The following DRC3 variants were observed in gnomAD, a reference collection of about 807,000 sequenced individuals.
The protein encoded by DRC3 is leucine rich repeat containing 48.
DRC3 carries 45 observed loss-of-function variants against 57.6 expected under a neutral mutation model. The ratio of observed to expected loss-of-function variants is 0.78; its 90% CI spans 0.62 to 1.00. The LOEUF (loss-of-function observed/expected upper bound fraction) is 1.00. Among genes scored for constraint, DRC3 ranks in the 50% least tolerant of loss-of-function variants. The pLI is 0.00. For missense variants in DRC3, 655 were observed against 675.2 expected (o/e 0.97, Z 0.33); for synonymous variants, 257 against 272.3 (o/e 0.94, Z 0.55).
intron 3 of DRC3, among the ~76,000 whole-genome samples, chr17:17,980,486 G>A (rs1191806951): frequency 6.6e-6 from 1 of 151,932 alleles, no homozygotes; most frequent in Non-Finnish European, 1.5e-5. Context: ...GTAGAGATGG[G>A]GTTTCACCAT....
At chr17:17,994,069 C>T (rs1261909321) in intron 6 of DRC3, 3 of 492,200 alleles carry the variant, frequency 6.1e-6, no homozygotes, top group Non-Finnish European at 3.6e-6. Context: ...GCCTTCCGCT[C>T]CTCCTGGTCT....
Position 17,992,862 on chromosome 17 carries a change from A to G in DRC3, c.542A>G (p.Tyr181Cys). 1 of 1,613,900 alleles carries G rather than the reference A, an allele frequency of 6.2e-7. No individual in the cohort carries two copies. The highest frequency in any genetic ancestry group is 1.1e-5 in the South Asian group (1 of 91,078). Reference protein sequence around the residue: ...AEDYKMFICAYLPDLMYLDYR... With the variant: ...AEDYKMFICACLPDLMYLDYR... ...GATTACAAGATGTTCATCTGTGCCT[A>G]CCTTCCTGACCTCATGTACCTGGAC... The change falls in exon 6 of 14, where the codon TAC (tyrosine) becomes TGC (cysteine). Residue 181 changes from tyrosine to cysteine, a missense_variant. By Grantham distance (194) the Tyr-to-Cys change is radical. Coordinates refer to ENST00000399187, the MANE Select transcript of DRC3 (RefSeq NM_031294.4).
Position 17,994,109 on chromosome 17 carries a change from C to T in DRC3, c.592-190C>T, listed in dbSNP as rs940332371. On this transcript the variant is annotated intron_variant, in intron 6 of 13. Transcript: ENST00000399187. Reference sequence around the variant, plus strand: ...CTGATTTCCCTGCGCTCACAAAAACCTGGTGAGGGTCATCAGGAGATGGGC... The same window carrying T: ...CTGATTTCCCTGCGCTCACAAAAACTTGGTGAGGGTCATCAGGAGATGGGC... The T allele has an allele frequency of 3.3e-5, 22 of 675,580 alleles. No individual in the cohort carries two copies. In the African/African-American group the frequency reaches 4.1e-4, roughly 12 times the overall value. 41.8% of individuals were successfully genotyped at this position (675,580 alleles called of 1,614,324 possible).
intron 8 of DRC3, among the ~76,000 whole-genome samples, chr17:17,997,123 C>G (rs1228105682): frequency 2.0e-5 from 3 of 152,200 alleles, no homozygotes; most frequent in African/African-American, 7.2e-5. Context: ...CCAGGGTCCC[C>G]AGGCCTCTCT....
intron 12 of DRC3, among the ~76,000 whole-genome samples, chr17:18,012,780 C>G (rs1186393517): frequency 6.6e-6 from 1 of 151,432 alleles, no homozygotes; most frequent in Non-Finnish European, 1.5e-5. Context: ...ATGAATAAGA[C>G]CTCAAAAGCA....
chr17:18,010,490 A>G (rs2044130494), intron 12 of DRC3, among the ~76,000 whole-genome samples: 2 of 152,198 alleles, frequency 1.3e-5, no homozygotes, highest in African/African-American at 4.8e-5. Context: ...TTAGAATCAC[A>G]AAAGACCTTG....
chr17:18,007,515 TATA>T (rs2044024321), intron 12 of DRC3: 1 of 1,547,416 alleles, frequency 6.5e-7, no homozygotes, highest in African/African-American at 1.4e-5. Flanking sequence ...TTAGAGTCTG[TATA>T]ATGAGTACTG....
chr17:17,994,056 G>A (rs927110609), intron 6 of DRC3: 11 of 436,470 alleles, frequency 2.5e-5, no homozygotes, highest in Middle Eastern at 7.2e-4. Flanking sequence ...AGCCTGCCAC[G>A]CTGCCTTCCG....
chr17:17,992,616 C>T (rs1316727372), intron 5 of DRC3, 149 bp from the exon 6 acceptor site: 4 of 778,290 alleles, frequency 5.1e-6, no homozygotes, highest in African/African-American at 3.5e-5. Context: ...GGAACACCCC[C>T]ACGCCTGCAC....
chr17:17,984,161 A>G (rs1490180823), intron 4 of DRC3, among the ~76,000 whole-genome samples: 1 of 152,196 alleles, frequency 6.6e-6, no homozygotes, highest in Non-Finnish European at 1.5e-5. Flanking sequence ...ATGTGCTCAG[A>G]CACAAGACCA....
In DRC3 at chr17:18,010,946, T is replaced by TTTTG. The variant is rs201338433; in HGVS notation, c.1326+3823_1326+3826dup. On this transcript the variant is annotated intron_variant, in intron 12 of 13. Transcript: ENST00000399187. ...GCCTCTCTCAAGGATGAGGTTTTTTTTTTGTTTGTTTGTTTGTTTGTTTGT... is the reference window on the plus strand; with the variant it reads ...GCCTCTCTCAAGGATGAGGTTTTTTTTTTGTTTGTTTGTTTGTTTGTTTGTTTGT... The TTTTG allele has an allele frequency of 3.7e-3, 908 of 243,088 alleles. 6 individuals are homozygous for TTTTG. Among genetic ancestry groups the TTTTG allele is most frequent in the African/African-American group, 0.013 (539 of 42,488 alleles). The allele number at this position is 243,088 out of a possible 1,614,324, so 15.1% of individuals were successfully genotyped here.
At position 18,016,172 on chromosome 17, in the gene DRC3, T is replaced by A. The variant is rs2044356176; in HGVS notation, c.1435T>A (p.Trp479Arg). The A allele has an allele frequency of 6.2e-7, 1 of 1,614,020 alleles. No individual in the cohort carries two copies. The highest frequency in any genetic ancestry group is 8.5e-7 in the Non-Finnish European group (1 of 1,179,884). Residue 479 changes from tryptophan (W) to arginine (R), a missense_variant, in exon 13 of 14, where the codon TGG becomes AGG. Trp to Arg is a moderately radical substitution (Grantham distance 101). Transcript: ENST00000399187. ...TGAGCTGGTGACCAGAATCAACTCTTGGTGTACACGTTTAATAGACAGGGT... is the reference window on the plus strand; with the variant it reads ...TGAGCTGGTGACCAGAATCAACTCTAGGTGTACACGTTTAATAGACAGGGT... Reference protein sequence around the residue: ...EDELVTRINSWCTRLIDRIHK... With the variant: ...EDELVTRINSRCTRLIDRIHK...
At position 18,016,066 on chromosome 17, in the gene DRC3, T is replaced by C. The variant is rs1167942389; in HGVS notation, c.1329T>C (p.Leu443=). ...ATTGGATTCTTTTCACTCACCAGCT[T>C]TTTGTCGATAAAGATACGATTGTTA... is the stretch of plus-strand genomic sequence containing the variant. ...DEDLPNDLRA[L]FVDKDTIVNA... The change falls in exon 13 of 14, where the codon CTT becomes CTC. Residue 443 remains leucine, a splice_region_variant and synonymous_variant. Transcript: ENST00000399187. The C allele has an allele frequency of 6.2e-7, 1 of 1,613,354 alleles. No homozygotes were observed. Among genetic ancestry groups the C allele is most frequent in the African/African-American group, 1.3e-5 (1 of 75,044 alleles).
intron 2 of DRC3, 160 bp from the exon 3 acceptor site, chr17:17,977,422 A>C: frequency 2.5e-6 from 2 of 788,662 alleles, no homozygotes; most frequent in Non-Finnish European, 4.0e-6. Flanking sequence ...GCCTTGGCGT[A>C]AGTATACAAA....
At position 18,007,084 on chromosome 17, in the gene DRC3, C is replaced by T. The variant is rs781576788; in HGVS notation, c.1263C>T (p.Ile421=). 3.6e-6 allele frequency: 5 copies of T among 1,386,462 alleles called. No homozygotes were observed. The highest frequency in any genetic ancestry group is 4.7e-6 in the Non-Finnish European group (5 of 1,054,584). 85.9% of individuals were successfully genotyped at this position (1,386,462 alleles called of 1,614,324 possible). The change falls in exon 12 of 14, where the codon ATC becomes ATT. Residue 421 remains isoleucine (I), a synonymous_variant. Transcript: ENST00000399187. ...ACGAGAAGCTCCTGGAGATCTCTAT[C>T]AGCACCCTGGAGAAGATTGTCGAGG... The part of the protein sequence containing the change: ...HHHEKLLEIS[I]STLEKIVEGD...
intron 5 of DRC3, 124 bp from the exon 6 acceptor site, chr17:17,992,641 C>A: frequency 1.9e-6 from 2 of 1,039,578 alleles, no homozygotes; most frequent in South Asian, 1.6e-5. Flanking sequence ...CCTGTCACCC[C>A]ACCCCAGTGC....
intron 12 of DRC3, among the ~76,000 whole-genome samples, chr17:18,012,778 G>A (rs1263368303): frequency 6.6e-6 from 1 of 151,312 alleles, no homozygotes; most frequent in African/African-American, 2.4e-5. Flanking sequence ...TTATGAATAA[G>A]ACCTCAAAAG....
At chr17:18,016,225 C>T in intron 13 of DRC3, 30 bp downstream of exon 13, 3 of 1,603,568 alleles carry the variant, frequency 1.9e-6, no homozygotes, top group Non-Finnish European at 2.6e-6. Context: ...TCCTAGCAGG[C>T]TGGATGAACT....
At chr17:17,983,702 TGCGTACTCCAGGGCAGGGC>T in intron 3 of DRC3, 107 bp from the exon 4 acceptor site, 1 of 639,748 alleles carries the variant, frequency 1.6e-6, no homozygotes, top group South Asian at 1.8e-5. Context: ...CCAGGGTGCC[TGCGTACTCCAGGGCAGGGC>T]AGAAGAGTTC....
Sources: allele counts gnomAD v4.1 joint callset (sites outside exome capture counted in the v4.1 genomes callset), GRCh38; gene constraint gnomAD v4.1.1; transcripts MANE v1.5; gene names NCBI Gene and HGNC (gene_info 2026-07-23, HGNC 2026-07-21).